The following MYH13 variants were observed in gnomAD, a reference collection of about 807,000 sequenced individuals.
MYH13 encodes the protein myosin heavy chain 13, also known as myosin-13.
Under a neutral mutation model 232.1 loss-of-function variants are expected in MYH13, and 177 were observed. The ratio of observed to expected loss-of-function variants is 0.76; its 90% confidence interval spans 0.67 to 0.86. The LOEUF (loss-of-function observed/expected upper bound fraction) is 0.86. Among genes scored for constraint, MYH13 ranks in the 40% least tolerant of loss-of-function variants. The pLI, the probability that MYH13 is intolerant of heterozygous loss-of-function variation, is 0.00. For missense variants in MYH13, 2,246 were observed against 2,405.9 expected (o/e 0.93, Z 1.39); for synonymous variants, 884 against 923.5 (o/e 0.96, Z 0.78).
chr17:10,338,702 T>G (rs67148905), intron 18 of MYH13, among the ~76,000 whole-genome samples: 36,487 of 142,414 alleles, frequency 0.26, 5,330 homozygotes, highest in African/African-American at 0.41. Flanking sequence ...TTTTTTTTTT[T>G]TTTGTTTGTT....
intron 33 of MYH13, 113 bp from the exon 34 acceptor site, chr17:10,309,943 T>G: frequency 1.0e-6 from 1 of 955,788 alleles, no homozygotes; most frequent in Non-Finnish European, 1.4e-6. Flanking sequence ...AAATTAAATT[T>G]AAATTTTTTT....
chr17:10,369,955 T>C (rs2071866198), intron 2 of MYH13, among the ~76,000 whole-genome samples: 1 of 152,256 alleles, frequency 6.6e-6, no homozygotes, highest in Non-Finnish European at 1.5e-5. Flanking sequence ...TTCACCCTTT[T>C]GATGGCTGTT....
chr17:10,308,115 A>G (rs1185699300), intron 35 of MYH13, among the ~76,000 whole-genome samples: 1 of 152,112 alleles, frequency 6.6e-6, no homozygotes, highest in East Asian at 1.9e-4. Flanking sequence ...ACCTGAAGTC[A>G]GGAGATCGAG....
rs537127923 is a variant in MYH13, at chr17:10,304,127, G to T, written c.5467-629C>A. On this transcript the variant is annotated intron_variant, in intron 37 of 40. Coordinates refer to ENST00000252172, the MANE Select transcript of MYH13 (RefSeq NM_003802.3). The surrounding 1 kb of genome is among the most constrained non-coding windows in gnomAD (Gnocchi z 5.3). ...CACTGGGACCTGTCAGGGGGCAGGG[G>T]GCTAGGGGAGGGATAGCATTAGGAG... is the stretch of plus-strand genomic sequence containing the variant. 6.6e-6 allele frequency among the ~76,000 whole-genome samples: 1 copy of T among 152,306 alleles called. No homozygotes were observed. Among genetic ancestry groups the T allele is most frequent in the Non-Finnish European group, 1.5e-5 (1 of 68,032 alleles).
In MYH13 at chr17:10,346,503, A is replaced by G. The variant is rs78960653; in HGVS notation, c.1263+177T>C. ...TAATTCCAGGTCCTCATGGCGTCCA[A>G]TGGGCACTTAATGATTTGCATTCCT... On this transcript the variant is annotated intron_variant, in intron 13 of 40. Coordinates refer to ENST00000252172, the MANE Select transcript of MYH13 (RefSeq NM_003802.3). Among the ~76,000 whole-genome samples, 779 of 152,260 alleles carry G rather than the reference A, an allele frequency of 5.1e-3. 4 individuals are homozygous for G. The highest frequency in any genetic ancestry group is 7.6e-3 in the Non-Finnish European group (520 of 68,008).
chr17:10,331,228 T>C (rs1322867967), intron 20 of MYH13, among the ~76,000 whole-genome samples: 4 of 152,106 alleles, frequency 2.6e-5, no homozygotes, highest in African/African-American at 9.7e-5. Flanking sequence ...TCTGGGAAGG[T>C]TGGTCCCATG....
intron 18 of MYH13, among the ~76,000 whole-genome samples, chr17:10,334,588 T>G (rs558277206): frequency 1.3e-5 from 2 of 152,066 alleles, no homozygotes; most frequent in African/African-American, 4.8e-5. Context: ...TCTCAGACAT[T>G]CAGAGAACTG....
chr17:10,308,947 G>T (rs1257412621), intron 35 of MYH13, among the ~76,000 whole-genome samples: 1 of 152,206 alleles, frequency 6.6e-6, no homozygotes, highest in Non-Finnish European at 1.5e-5. Flanking sequence ...AGTACTTCCA[G>T]GTGCCTTACG....
chr17:10,367,410 G>A (rs1469996381), intron 2 of MYH13, among the ~76,000 whole-genome samples: 3 of 152,112 alleles, frequency 2.0e-5, no homozygotes, highest in South Asian at 2.1e-4. Flanking sequence ...GTATAGTGGC[G>A]CAATCTCAGC....
chr17:10,331,253 G>A (rs931929754), intron 20 of MYH13, among the ~76,000 whole-genome samples: 5 of 152,002 alleles, frequency 3.3e-5, no homozygotes, highest in Non-Finnish European at 4.4e-5. Flanking sequence ...GGCCCACTTC[G>A]CCCACTCCCT....
intron 31 of MYH13, 60 bp from the exon 32 acceptor site, chr17:10,312,136 A>T: frequency 6.3e-7 from 1 of 1,589,386 alleles, no homozygotes; most frequent in Admixed American, 1.7e-5. Context: ...AGAAGAGTTC[A>T]TGCAAACAAG....
At chr17:10,309,943 T>A (rs924967729) in intron 33 of MYH13, 113 bp from the exon 34 acceptor site, 12 of 955,662 alleles carry the variant, frequency 1.3e-5, no homozygotes, top group Admixed American at 3.8e-5. Context: ...AAATTAAATT[T>A]AAATTTTTTT....
chr17:10,320,695 G>A (rs1004726796), intron 24 of MYH13, among the ~76,000 whole-genome samples, 199 bp from the exon 25 acceptor site: 7 of 152,244 alleles, frequency 4.6e-5, no homozygotes, highest in Non-Finnish European at 1.0e-4. Flanking sequence ...TACCCAGGGT[G>A]GGGCTGGATC....
intron 21 of MYH13, among the ~76,000 whole-genome samples, chr17:10,329,874 C>T (rs1309436566): frequency 6.6e-6 from 1 of 152,108 alleles, no homozygotes; most frequent in East Asian, 1.9e-4. Context: ...GTGGTGCATG[C>T]CTGTAATCCC....
chr17:10,346,379 T>A (rs935318158), intron 13 of MYH13, among the ~76,000 whole-genome samples: 1 of 152,158 alleles, frequency 6.6e-6, no homozygotes, highest in Non-Finnish European at 1.5e-5. Flanking sequence ...AGGAAACTTA[T>A]CTGCCTAGCA....
In MYH13 at chr17:10,309,640, A is replaced by T; in HGVS notation, c.4847T>A (p.Leu1616Gln). 6.2e-7 allele frequency: 1 copy of T among 1,612,462 alleles called. No homozygotes were observed. Among genetic ancestry groups the T allele is most frequent in the Non-Finnish European group, 8.5e-7 (1 of 1,179,304 alleles). ...DAEIRSRNDA[L>Q]RLKKKMEGDL... Reference sequence around the variant, plus strand: ...TCCCTCCATCTTCTTCTTTAGCCTCAGGGCGTCGTTCCGGCTGCGGATTTC... The same window carrying T: ...TCCCTCCATCTTCTTCTTTAGCCTCTGGGCGTCGTTCCGGCTGCGGATTTC... The change falls in exon 34 of 41, where the codon CTG (leucine) becomes CAG (glutamine). Residue 1616 changes from leucine (L) to glutamine (Q), a missense_variant. Leu to Gln is a moderately radical substitution (Grantham distance 113). Coordinates refer to ENST00000252172, the MANE Select transcript of MYH13 (RefSeq NM_003802.3).
intron 8 of MYH13, 79 bp from the exon 9 acceptor site, chr17:10,355,226 A>G: frequency 7.2e-7 from 1 of 1,393,474 alleles, no homozygotes; most frequent in Non-Finnish European, 9.9e-7. Flanking sequence ...AGGTGCTGCC[A>G]CAGATAAATT....
rs751619345 is a variant in MYH13 at position 10,320,257 on chromosome 17, A to T, written c.3258-14T>A. 10 of 1,195,090 alleles carry T rather than the reference A, an allele frequency of 8.4e-6. No individual in the cohort carries two copies. The highest frequency in any genetic ancestry group is 2.4e-4 in the Middle Eastern group (1 of 4,130). 74.0% of individuals were successfully genotyped at this position (1,195,090 alleles called of 1,614,324 possible). A position where few individuals can be genotyped will look rare whatever the true frequency, so the allele number is the denominator to read the frequency against. ...TCAAACTCCTTCCTGCAAATAGATT[A>T]AAAAAAAATAAAGAACATGAAATAC... On this transcript the variant is annotated splice_polypyrimidine_tract_variant and intron_variant, in intron 25 of 40. Transcript: ENST00000252172.
intron 8 of MYH13, among the ~76,000 whole-genome samples, chr17:10,355,828 C>CTTTTTTTT (rs61338527): frequency 9.0e-5 from 6 of 66,814 alleles, no homozygotes; most frequent in Non-Finnish European, 1.3e-4. Context: ...TTCTGTCTGA[C>CTTTTTTTT]TTTTTTTTTT....
Sources: allele counts gnomAD v4.1 joint callset (sites outside exome capture counted in the v4.1 genomes callset), GRCh38; gene constraint gnomAD v4.1.1; non-coding constraint Gnocchi (gnomAD v3.1); transcripts MANE v1.5; gene names NCBI Gene and HGNC (gene_info 2026-07-23, HGNC 2026-07-21).